Variants in EMC7 observed in about 807,000 individuals in gnomAD.
EMC7 encodes the protein endoplasmic reticulum membrane protein complex subunit 7.
EMC7 carries 4 observed loss-of-function variants against 24.4 expected under a neutral mutation model. The observed-to-expected ratio is 0.16, with a 90% CI of 0.08 to 0.38. EMC7 has a LOEUF of 0.38. Ranked by LOEUF, EMC7 falls within the 10% of genes least tolerant of loss-of-function variation. The pLI is 1.00. For synonymous variants in EMC7, 106 were observed against 112.0 expected (o/e 0.95, Z 0.34); for missense variants, 221 against 300.6 (o/e 0.74, Z 1.96).
intron 4 of EMC7, among the ~76,000 whole-genome samples, chr15:34,085,729 G>C (rs892727712): frequency 2.7e-5 from 4 of 150,834 alleles, no homozygotes; most frequent in African/African-American, 9.7e-5. Flanking sequence ...AATCAAGTAT[G>C]TTAACATGCC....
intron 2 of EMC7, among the ~76,000 whole-genome samples, chr15:34,093,305 C>T (rs1265009045): frequency 6.6e-6 from 1 of 151,960 alleles, no homozygotes; most frequent in Non-Finnish European, 1.5e-5. Flanking sequence ...GGAGTGGTGG[C>T]GCATGCCTGT....
chr15:34,098,018 A>T (rs1249919857), intron 1 of EMC7, among the ~76,000 whole-genome samples: 1 of 151,636 alleles, frequency 6.6e-6, no homozygotes, highest in East Asian at 1.9e-4. Flanking sequence ...AGAGCACACT[A>T]AGCCAGAATT....
intron 1 of EMC7, among the ~76,000 whole-genome samples, chr15:34,099,066 T>G (rs1261033321): frequency 6.6e-6 from 1 of 151,772 alleles, no homozygotes; most frequent in African/African-American, 2.4e-5. Context: ...TTAGATGATA[T>G]TAAGGCATGA....
intron 3 of EMC7, 29 bp downstream of exon 3, chr15:34,090,288 A>G: frequency 1.3e-6 from 2 of 1,593,776 alleles, no homozygotes; most frequent in Non-Finnish European, 1.7e-6. Context: ...AGGTATTAGT[A>G]AAGTGCTTTA....
chr15:34,097,153 T>C (rs3964625), intron 1 of EMC7, among the ~76,000 whole-genome samples: 7 of 149,546 alleles, frequency 4.7e-5, no homozygotes, highest in Non-Finnish European at 8.9e-5. Context: ...CCTTCCTCAG[T>C]CTCCCGAGTA....
intron 2 of EMC7, among the ~76,000 whole-genome samples, chr15:34,091,946 T>C (rs1900979062): frequency 1.3e-5 from 2 of 152,222 alleles, no homozygotes; most frequent in African/African-American, 4.8e-5. Context: ...CAAAACTAAT[T>C]TATCATGCAT....
At position 34,095,930 on chromosome 15, in the gene EMC7, G is replaced by A. The variant is rs1236233380; in HGVS notation, c.321C>T (p.Pro107=). 2 of 1,609,482 alleles carry A rather than the reference G, an allele frequency of 1.2e-6. No homozygotes were observed. The highest frequency in any genetic ancestry group is 1.3e-5 in the African/African-American group (1 of 74,830). ...EVVSPAYRFD[P]VRVDITSKGK... ...CTTTCGAAGTGATATCCACTCGAAC[G>A]GGATCAAATCTGTAAGCTGGAGATA... Residue 107 remains proline, a synonymous_variant, in exon 2 of 5, where the codon CCC becomes CCT. Coordinates refer to ENST00000256545, the MANE Select transcript of EMC7 (RefSeq NM_020154.3).
intron 1 of EMC7, among the ~76,000 whole-genome samples, chr15:34,099,207 TTAA>T (rs1901136493): frequency 6.6e-6 from 1 of 152,100 alleles, no homozygotes; most frequent in Admixed American, 6.5e-5. Flanking sequence ...CAGAAAAAAA[TTAA>T]TGAGGTACAC....
At chr15:34,093,491 T>C (rs1168428127) in intron 2 of EMC7, among the ~76,000 whole-genome samples, 2 of 151,484 alleles carry the variant, frequency 1.3e-5, no homozygotes, top group Non-Finnish European at 2.9e-5. Context: ...GGACCGTCTA[T>C]ATTTAAAACA....
intron 2 of EMC7, 38 bp from the exon 3 acceptor site, chr15:34,090,493 T>C (rs781659794): frequency 6.3e-7 from 1 of 1,586,418 alleles, no homozygotes; most frequent in Admixed American, 1.8e-5. Flanking sequence ...AGTAATTCCA[T>C]TAAAAACATT....
Position 34,101,791 on chromosome 15 carries a change from G to T in EMC7, c.49C>A (p.Leu17Ile). Reference protein sequence around the residue: ...GFFPVLLLLLLSGDVQSSEVP... With the variant: ...GFFPVLLLLLISGDVQSSEVP... ...TCCGAGCTCTGGACATCCCCCGATA[G>T]CAGCAGCAGCAGCAGGACGGGAAAG... Residue 17 changes from leucine to isoleucine, a missense_variant, in exon 1 of 5, where the codon CTA (leucine) becomes ATA (isoleucine). By Grantham distance (5) the Leu-to-Ile change is conservative (BLOSUM62 2). Around this residue, in one of 2 missense-constraint regions of EMC7, gnomAD observed 156 missense variants for 177.1 expected, o/e 0.88. Transcript: ENST00000256545. 1 of 1,590,458 alleles carries T rather than the reference G, an allele frequency of 6.3e-7. No homozygotes were observed.
intron 3 of EMC7, among the ~76,000 whole-genome samples, chr15:34,088,880 C>T (rs920799393): frequency 5.9e-5 from 9 of 152,112 alleles, no homozygotes; most frequent in African/African-American, 2.2e-4. Context: ...TTTTGAGACA[C>T]GGTCTCGCTC....
intron 2 of EMC7, among the ~76,000 whole-genome samples, chr15:34,094,546 CA>C (rs1193244596): frequency 6.6e-6 from 1 of 151,604 alleles, no homozygotes; most frequent in African/African-American, 2.4e-5. Flanking sequence ...AACAAACAAA[CA>C]AAAAATCAGA....
chr15:34,095,808 C>T (rs1901055233), intron 2 of EMC7, 87 bp downstream of exon 2: 3 of 1,231,248 alleles, frequency 2.4e-6, no homozygotes, highest in African/African-American at 3.1e-5. Context: ...AAAGAATTTT[C>T]CATCTAAACT....
intron 2 of EMC7, 121 bp downstream of exon 2, chr15:34,095,774 A>C: frequency 1.1e-6 from 1 of 943,964 alleles, no homozygotes; most frequent in East Asian, 2.9e-5. Context: ...TAAGTGTTTT[A>C]AGGAATAGCT....
intron 1 of EMC7, among the ~76,000 whole-genome samples, chr15:34,097,036 C>CTTTTTTTTTTT (rs1320707154): frequency 7.9e-5 from 1 of 12,664 alleles, no homozygotes; most frequent in South Asian, 3.8e-3. Flanking sequence ...TTCTGTTCTT[C>CTTTTTTTTTTT]TTCTTTTTTT....
At chr15:34,086,220 T>G (rs1900884003) in intron 4 of EMC7, 1 of 365,280 alleles carries the variant, frequency 2.7e-6, no homozygotes, top group African/African-American at 2.2e-5. Context: ...CCAGTTAAGC[T>G]AAATTTTGAC....
intron 1 of EMC7, chr15:34,100,496 A>C (rs1207793537): frequency 6.6e-6 from 1 of 152,236 alleles, no homozygotes; most frequent in African/African-American, 2.4e-5. Flanking sequence ...CTAAAGCTTA[A>C]TGAGAACTTT....
rs148679745 is a variant in EMC7, at chr15:34,090,154, T to C, written c.495+163A>G. ...TTCTCATTATATTCTCTTCATTATG[T>C]ATTCCCAAAGCCACTATTCTTCTGA... is the stretch of plus-strand genomic sequence containing the variant. On this transcript the variant is annotated intron_variant, in intron 3 of 4. Transcript: ENST00000256545. Among the ~76,000 whole-genome samples the C allele has an allele frequency of 1.2e-4, 18 of 152,350 alleles. No homozygotes were observed. In the East Asian group the frequency reaches 3.5e-3, roughly 29 times the overall value.
Sources: allele counts gnomAD v4.1 joint callset (sites outside exome capture counted in the v4.1 genomes callset), GRCh38; gene constraint gnomAD v4.1.1; regional missense constraint gnomAD v4.1.1; transcripts MANE v1.5; gene names NCBI Gene and HGNC (gene_info 2026-07-23, HGNC 2026-07-21).